The following ACSS2 variants were observed in gnomAD, a reference collection of about 807,000 sequenced individuals.
ACSS2 encodes acyl-CoA synthetase short chain family member 2.
In ACSS2, 58 loss-of-function variants were observed where a neutral mutation model predicts 90.6. The observed-to-expected ratio is 0.64, with a 90% CI of 0.52 to 0.80. The LOEUF is 0.80. Ranked by LOEUF, ACSS2 falls within the 30% of genes least tolerant of loss-of-function variation. The pLI is 0.00. For missense variants in ACSS2, 759 were observed against 912.0 expected, an observed-to-expected ratio of 0.83 and a Z score of 2.16; for synonymous variants, 300 against 330.9, an observed-to-expected ratio of 0.91 and a Z score of 1.01.
chr20:34,911,701 T>C (rs1200967067), intron 2 of ACSS2, among the ~76,000 whole-genome samples: 20 of 152,260 alleles, frequency 1.3e-4, no homozygotes, highest in Admixed American at 1.3e-3. Flanking sequence ...ATAATGCTTA[T>C]CATAATCTGA....
At chr20:34,893,329 G>A (rs1018323330) in intron 2 of ACSS2, among the ~76,000 whole-genome samples, 6 of 152,132 alleles carry the variant, frequency 3.9e-5, no homozygotes, top group Non-Finnish European at 5.9e-5. Flanking sequence ...AGCCTCCTGA[G>A]TAGCTAGGAG....
At chr20:34,912,901 A>G (rs1423437177) in intron 2 of ACSS2, among the ~76,000 whole-genome samples, 195 bp from the exon 3 acceptor site, 4 of 152,250 alleles carry the variant, frequency 2.6e-5, no homozygotes. Flanking sequence ...TGTGTATAAA[A>G]TATCTTGAAT....
chr20:34,920,967 A>G (rs762865528), intron 9 of ACSS2, 39 bp from the exon 10 acceptor site: 1 of 1,613,222 alleles, frequency 6.2e-7, no homozygotes. Context: ...TAGAAGGACT[A>G]TTAGGAAAGA....
chr20:34,875,220 T>TGTG, upstream of ACSS2: 1 of 531,152 alleles, frequency 1.9e-6, no homozygotes. Context: ...AAGCCCAGGT[T>TGTG]GTGGTGGTGG....
At chr20:34,914,645 A>T (rs1321752568) in intron 7 of ACSS2, among the ~76,000 whole-genome samples, 2 of 152,222 alleles carry the variant, frequency 1.3e-5, no homozygotes, top group Non-Finnish European at 2.9e-5. Flanking sequence ...CCTTGAGAAC[A>T]TAGCACAAGC....
rs2081175641 is a variant in ACSS2, at chr20:34,920,622, G to A, written c.1056G>A (p.Val352=). ...TGTTTGACTTCCATGCAGAGGATGTGTTCTGGTGCACGGCAGACATTGGTT... is the reference window on the plus strand; with the variant it reads ...TGTTTGACTTCCATGCAGAGGATGTATTCTGGTGCACGGCAGACATTGGTT... The part of the protein sequence containing the change: ...KYVFDFHAED[V]FWCTADIGWI... The change falls in exon 9 of 18, where the codon GTG becomes GTA. Residue 352 remains valine, a synonymous_variant. Coordinates refer to ENST00000360596, the MANE Select transcript of ACSS2 (RefSeq NM_018677.4). 6.2e-7 allele frequency: 1 copy of A among 1,614,202 alleles called. No individual in the cohort carries two copies. Among genetic ancestry groups the A allele is most frequent in the Non-Finnish European group, 8.5e-7 (1 of 1,180,038 alleles).
chr20:34,918,780 C>T (rs914277104), intron 7 of ACSS2, among the ~76,000 whole-genome samples: 1 of 152,192 alleles, frequency 6.6e-6, no homozygotes, highest in Non-Finnish European at 1.5e-5. Context: ...ACTAATTTTG[C>T]ATTTCTGAAT....
chr20:34,913,451 G>A lies in ACSS2; in HGVS notation c.525G>A (p.Val175=). The change falls in exon 4 of 18, where the codon GTG becomes GTA. Residue 175 remains valine, a synonymous_variant. Coordinates refer to ENST00000360596, the MANE Select transcript of ACSS2 (RefSeq NM_018677.4). ...TGCCTATGATCCCAGAGCTTGTGGT[G>A]GCCATGCTGGCATGTGCCCGCATTG... ...IYMPMIPELV[V]AMLACARIGA... 1 of 1,614,066 alleles carries A rather than the reference G, an allele frequency of 6.2e-7. No individual in the cohort carries two copies. The highest frequency in any genetic ancestry group is 8.5e-7 in the Non-Finnish European group (1 of 1,179,996).
intron 14 of ACSS2, among the ~76,000 whole-genome samples, chr20:34,924,683 TTG>T (rs1324676727): frequency 9.9e-5 from 2 of 20,300 alleles, no homozygotes; most frequent in African/African-American, 2.1e-3. Flanking sequence ...AACCTTTTTT[TTG>T]TTGTTGTTGT....
intron 7 of ACSS2, among the ~76,000 whole-genome samples, chr20:34,916,585 C>T (rs557758211): frequency 6.6e-6 from 1 of 152,208 alleles, no homozygotes; most frequent in Middle Eastern, 3.4e-3. Context: ...GTGAAAATAA[C>T]CAGTTTCCAA....
At chr20:34,919,628 A>AG in intron 8 of ACSS2, 56 bp downstream of exon 8, 1 of 1,515,052 alleles carries the variant, frequency 6.6e-7, no homozygotes, top group Non-Finnish European at 8.9e-7. Context: ...TGTATTATGT[A>AG]GGGGTAAGAA....
chr20:34,876,541 G>C (rs2079911163), upstream of ACSS2: 2 of 1,259,008 alleles, frequency 1.6e-6, no homozygotes, highest in Non-Finnish European at 2.0e-6. Flanking sequence ...CCACTCACCA[G>C]GCCCCGCCCC....
chr20:34,911,894 C>T (rs2080968487), intron 2 of ACSS2, among the ~76,000 whole-genome samples: 1 of 151,992 alleles, frequency 6.6e-6, no homozygotes, highest in Admixed American at 6.6e-5. Flanking sequence ...GATCTTGGCT[C>T]ACCACAACCT....
intron 4 of ACSS2, 27 bp from the exon 5 acceptor site, chr20:34,913,726 T>G (rs1435632550): frequency 6.2e-7 from 1 of 1,606,030 alleles, no homozygotes; most frequent in Admixed American, 1.7e-5. Flanking sequence ...CTTTCTTCTC[T>G]CCCTCAGACT....
chr20:34,899,179 C>T (rs961610466), intron 2 of ACSS2, among the ~76,000 whole-genome samples: 2 of 152,182 alleles, frequency 1.3e-5, no homozygotes, highest in African/African-American at 4.8e-5. Context: ...CCCGCTCGGG[C>T]CTCTCCCTCC....
intron 2 of ACSS2, among the ~76,000 whole-genome samples, chr20:34,899,451 C>T (rs1212767922): frequency 1.5e-5 from 2 of 135,830 alleles, no homozygotes; most frequent in South Asian, 2.4e-4. Flanking sequence ...TCCTTCCTTC[C>T]TTCCTTCCTT....
intron 2 of ACSS2, among the ~76,000 whole-genome samples, chr20:34,906,044 C>T (rs987733940): frequency 6.6e-5 from 10 of 152,170 alleles, no homozygotes; most frequent in South Asian, 2.1e-4. Context: ...TTTAAGAGTT[C>T]TGATATCCTG....
intron 2 of ACSS2, among the ~76,000 whole-genome samples, chr20:34,893,020 C>T (rs968717040): frequency 6.6e-6 from 1 of 152,210 alleles, no homozygotes; most frequent in African/African-American, 2.4e-5. Context: ...ATTAAGTATT[C>T]CAGCTATGGT....
intron 1 of ACSS2, among the ~76,000 whole-genome samples, chr20:34,879,528 C>CACACA (rs58755872): frequency 1.3e-5 from 1 of 75,560 alleles, no homozygotes; most frequent in Admixed American, 9.2e-5. Flanking sequence ...CACACACACA[C>CACACA]CCCTACCCCC....
Sources: allele counts gnomAD v4.1 joint callset (sites outside exome capture counted in the v4.1 genomes callset), GRCh38; gene constraint gnomAD v4.1.1; transcripts MANE v1.5; gene names NCBI Gene and HGNC (gene_info 2026-07-23, HGNC 2026-07-21).